SYN1: variants seen among roughly 807,000 people sequenced by gnomAD.
SYN1 encodes the protein synapsin-1.
Under a neutral mutation model 44.6 loss-of-function variants are expected in SYN1, and 8 were observed. The ratio of observed to expected loss-of-function variants is 0.18; its 90% CI spans 0.11 to 0.32. SYN1 has a LOEUF of 0.32. Among genes scored for constraint, SYN1 ranks in the 10% least tolerant of loss-of-function variants. The probability of loss-of-function intolerance (pLI) is 1.00; values close to 1 mark genes in which losing one functional copy is unlikely to be tolerated. For missense variants in SYN1, 451 were observed against 639.4 expected (o/e 0.71, Z 3.18); for synonymous variants, 275 against 280.1 (o/e 0.98, Z 0.18).
At chrX:47,584,873 GAT>G in intron 5 of SYN1, 1 of 976,393 alleles carries the variant, frequency 1.0e-6, no homozygotes, top group Non-Finnish European at 1.5e-6. Context: ...TGATGATGAT[GAT>G]GATCTTATTT....
intron 5 of SYN1, chrX:47,589,996 A>G (rs2057842517): frequency 9.0e-6 from 1 of 111,296 alleles, no homozygotes; most frequent in Non-Finnish European, 1.9e-5. Flanking sequence ...TTTCTCCCCC[A>G]CACCAGTCTC....
intron 5 of SYN1, chrX:47,586,541 C>T (rs11551797): frequency 0.027 from 32,754 of 1,210,261 alleles, 2,074 homozygotes; most frequent in Admixed American, 0.25. Context: ...GTTTATCCAT[C>T]CCCTGCAAAC....
At chrX:47,573,964 G>T in intron 12 of SYN1, 38 bp downstream of exon 12, 1 of 1,091,675 alleles carries the variant, frequency 9.2e-7, no homozygotes. Context: ...CCCGCTTTGT[G>T]AGCAGCAAGG....
chrX:47,611,529 C>G (rs2057916677), intron 1 of SYN1, among the ~76,000 whole-genome samples: 1 of 112,175 alleles, frequency 8.9e-6, no homozygotes, highest in South Asian at 3.7e-4. Flanking sequence ...AAAAAAGGAT[C>G]AGAAACAGTT....
chrX:47,619,241 A>G, intron 1 of SYN1, 111 bp downstream of exon 1: 1 of 1,078,661 alleles, frequency 9.3e-7, no homozygotes, highest in African/African-American at 1.8e-5. Flanking sequence ...AAAAAGATTT[A>G]GGTGAGAGGG....
rs761153618 is a variant in SYN1, at chrX:47,585,232, G to A, written c.775-7731C>T. 5.8e-6 allele frequency: 7 copies of A among 1,198,115 alleles called. No individual in the cohort carries two copies. The South Asian group carries it at 1.3e-4, about 22-fold the overall frequency. On this transcript the variant is annotated intron_variant, in intron 5 of 12. Transcript: ENST00000295987. ...GTATAAAGGGTTCCAAGCCTTAGGG[G>A]ATGCCGCTGACATCCGGTTCGTCTA...
At chrX:47,594,938 G>A (rs1046963956) in intron 5 of SYN1, among the ~76,000 whole-genome samples, 1 of 110,748 alleles carries the variant, frequency 9.0e-6, no homozygotes, top group African/African-American at 3.3e-5. Context: ...TGTTGGTCAG[G>A]CTGGTCTAGA....
In SYN1 at chrX:47,574,309, C is replaced by T; in HGVS notation, c.1675G>A (p.Gly559Ser). ...GTCTGACGGGTAGCCTGTGGGGGGC[C>T]CGCCTGGCGCTGGGGAGACGGAGAG... ...PASPSPQRQA[G>S]PPQATRQTSV... The change falls in exon 12 of 13, where the codon GGC (glycine) becomes AGC (serine). Residue 559 changes from glycine to serine, a missense_variant. Gly to Ser is a moderately conservative substitution (Grantham distance 56, BLOSUM62 0). Coordinates refer to ENST00000295987, the MANE Select transcript of SYN1 (RefSeq NM_006950.3). The T allele has an allele frequency of 9.2e-7, 1 of 1,091,611 alleles. No individual in the cohort carries two copies. Among genetic ancestry groups the T allele is most frequent in the Non-Finnish European group, 1.2e-6 (1 of 842,640 alleles). 90.0% of individuals were successfully genotyped at this position (1,091,611 alleles called of 1,213,427 possible).
chrX:47,580,040 G>A (rs751979214), intron 5 of SYN1, among the ~76,000 whole-genome samples: 1 of 109,997 alleles, frequency 9.1e-6, no homozygotes, highest in African/African-American at 3.3e-5. Context: ...ATGGTATCGG[G>A]CATACAGTAA....
chrX:47,607,271 CT>C, intron 1 of SYN1, 73 bp from the exon 2 acceptor site: 1 of 1,002,953 alleles, frequency 1.0e-6, no homozygotes, highest in Non-Finnish European at 1.4e-6. Flanking sequence ...GCCCTTGACC[CT>C]TTTGCCCCTT....
chrX:47,590,384 A>G (rs1328716591), intron 5 of SYN1, among the ~76,000 whole-genome samples: 1 of 111,349 alleles, frequency 9.0e-6, no homozygotes, highest in Non-Finnish European at 1.9e-5. Context: ...CCCTGGAACA[A>G]AAAGTCCCCA....
chrX:47,607,743 A>C lies in SYN1; in HGVS notation c.378-545T>G, dbSNP rs754712270. Among the ~76,000 whole-genome samples, 5 of 107,990 alleles carry C rather than the reference A, an allele frequency of 4.6e-5. No homozygotes were observed. In the South Asian group the frequency reaches 2.0e-3, roughly 44 times the overall value. The allele number at this position is 107,990 out of a possible 115,157, so 93.8% of individuals were successfully genotyped here. ...AAAAAAATTGAAAAAAAAAAAAAAA[A>C]AACAAAAGCCGAGGGCTGTGGCTCA... On this transcript the variant is annotated intron_variant, in intron 1 of 12. Coordinates refer to ENST00000295987, the MANE Select transcript of SYN1 (RefSeq NM_006950.3).
intron 5 of SYN1, among the ~76,000 whole-genome samples, chrX:47,597,063 G>T (rs2057865667): frequency 8.9e-6 from 1 of 112,139 alleles, no homozygotes; most frequent in Non-Finnish European, 1.9e-5. Context: ...GCCGGGCATG[G>T]TGGCTCATGC....
intron 5 of SYN1, among the ~76,000 whole-genome samples, chrX:47,597,922 T>C (rs920298670): frequency 8.9e-6 from 1 of 112,378 alleles, no homozygotes; most frequent in Non-Finnish European, 1.9e-5. Flanking sequence ...ACAAGAATTC[T>C]ACATCCAGCA....
At chrX:47,603,232 T>A (rs4824623) in intron 5 of SYN1, among the ~76,000 whole-genome samples, 1 of 110,168 alleles carries the variant, frequency 9.1e-6, no homozygotes, top group African/African-American at 3.3e-5. Context: ...GGTCTCACTC[T>A]GTTGCCCAGG....
rs771051481 is a variant in SYN1, at chrX:47,592,485, G to A, written c.774+12493C>T. Among the ~76,000 whole-genome samples, 83 of 111,314 alleles carry A rather than the reference G, an allele frequency of 7.5e-4. 1 individual carries two copies. The highest frequency in any genetic ancestry group is 8.7e-4 in the Non-Finnish European group (46 of 53,035). On this transcript the variant is annotated intron_variant, in intron 5 of 12. Coordinates refer to ENST00000295987, the MANE Select transcript of SYN1 (RefSeq NM_006950.3). ...AGGGTTTTCCTAGTTTTTCTTGCAT[G>A]TTCGCTTTTCCATATGAACTTTACT...
intron 5 of SYN1, chrX:47,583,298 G>C: frequency 1.8e-6 from 1 of 548,032 alleles, no homozygotes; most frequent in Non-Finnish European, 2.8e-6. Flanking sequence ...CCCAAATCCA[G>C]CCCCCTAATC....
At chrX:47,575,503 C>G in intron 9 of SYN1, among the ~76,000 whole-genome samples, 1 of 112,327 alleles carries the variant, frequency 8.9e-6, no homozygotes, top group Admixed American at 9.3e-5. Context: ...ACCTGGCCGA[C>G]CACCTGGTTC....
rs921847860 is a variant in SYN1 at position 47,608,724 on chromosome X, C to T, written c.378-1526G>A. 1.2e-4 allele frequency among the ~76,000 whole-genome samples: 13 copies of T among 109,930 alleles called. No individual in the cohort carries two copies. The East Asian group carries it at 2.0e-3, about 17-fold the overall frequency. ...CCCGTCCCCAGCTGGGCTTGGTTTCCGGTGGCCTCCTCCCCCAGGCTCAAG... is the reference window on the plus strand; with the variant it reads ...CCCGTCCCCAGCTGGGCTTGGTTTCTGGTGGCCTCCTCCCCCAGGCTCAAG... On this transcript the variant is annotated intron_variant, in intron 1 of 12. Coordinates refer to ENST00000295987, the MANE Select transcript of SYN1 (RefSeq NM_006950.3).
Sources: gnomAD v4.1 joint callset for allele counts (sites outside exome capture counted in the v4.1 genomes callset) on GRCh38, gnomAD v4.1.1 for gene constraint, MANE v1.5 for transcripts, NCBI Gene and HGNC (gene_info 2026-07-23, HGNC 2026-07-21) for gene names.